Variants in GYG1 observed in about 807,000 individuals in gnomAD.
The protein encoded by GYG1 is glycogenin 1.
A neutral mutation model predicts 41.9 loss-of-function variants in GYG1; 44 were observed. That is an observed-to-expected ratio of 1.05 (90% CI 0.83 to 1.35). GYG1 has a LOEUF of 1.35. GYG1 is among the 40% of genes most tolerant of loss of function. GYG1 has a pLI of 0.00. For missense variants in GYG1, 429 were observed against 418.9 expected (o/e 1.02, Z -0.21); for synonymous variants, 141 against 158.1 (o/e 0.89, Z 0.81).
intron 2 of GYG1, among the ~76,000 whole-genome samples, chr3:148,995,145 G>A (rs576217160): frequency 6.1e-4 from 93 of 152,348 alleles, no homozygotes; most frequent in African/African-American, 2.2e-3. Flanking sequence ...GGGAGGCAGA[G>A]GTTGCAGTAA....
Position 148,992,077 on chromosome 3 carries a change from C to T in GYG1, c.7+430C>T, listed in dbSNP as rs530025620. On this transcript the variant is annotated intron_variant, in intron 1 of 7. Transcript: ENST00000345003. Reference sequence around the variant, plus strand: ...GGCCCGGAACCCCAGGAAGCAGGGGCTCCGAGGCGGGGATACTGCGGCCTC... The same window carrying T: ...GGCCCGGAACCCCAGGAAGCAGGGGTTCCGAGGCGGGGATACTGCGGCCTC... Among the ~76,000 whole-genome samples, 80 of 152,216 alleles carry T rather than the reference C, an allele frequency of 5.3e-4. No individual in the cohort carries two copies. The East Asian group carries it at 0.014, about 27-fold the overall frequency.
At chr3:149,000,837 T>C (rs1559836122) in intron 4 of GYG1, 1 of 152,226 alleles carries the variant, frequency 6.6e-6, no homozygotes, top group Non-Finnish European at 1.5e-5. Context: ...TAGGAGAGAA[T>C]AAATTAGTAG....
At chr3:148,999,859 C>A (rs1027218573) in intron 4 of GYG1, among the ~76,000 whole-genome samples, 16 of 152,160 alleles carry the variant, frequency 1.1e-4, no homozygotes, top group African/African-American at 3.9e-4. Context: ...TCCACCACCC[C>A]CATAGTCAGT....
chr3:149,010,831 A>G (rs780225782), intron 5 of GYG1, among the ~76,000 whole-genome samples: 7 of 152,212 alleles, frequency 4.6e-5, no homozygotes, highest in Non-Finnish European at 1.0e-4. Context: ...GAGTTGGGCC[A>G]ATCTCTGTCC....
intron 4 of GYG1, among the ~76,000 whole-genome samples, chr3:149,002,576 G>A (rs1713154734): frequency 6.6e-6 from 1 of 152,144 alleles, no homozygotes; most frequent in Non-Finnish European, 1.5e-5. Context: ...ATTTCCATAA[G>A]CCACCTTGGG....
intron 5 of GYG1, among the ~76,000 whole-genome samples, chr3:149,022,899 A>G (rs1714449376): frequency 6.6e-6 from 1 of 152,198 alleles, no homozygotes. Flanking sequence ...CATGATGTGT[A>G]TAGCTATAGT....
In GYG1 at chr3:149,013,416, A is replaced by G. The variant is rs115387366; in HGVS notation, c.608+4014A>G. Among the ~76,000 whole-genome samples, 656 of 152,282 alleles carry G rather than the reference A, an allele frequency of 4.3e-3. 3 individuals carry two copies. The highest frequency in any genetic ancestry group is 6.9e-3 in the Non-Finnish European group (470 of 68,018). On this transcript the variant is annotated intron_variant, in intron 5 of 7. Transcript: ENST00000345003. ...GCTCTCTAGGAATCTCATGCTATAT[A>G]AAACACACCTTAAAGCAGAGAGACA...
chr3:149,015,426 G>A (rs938235624), intron 5 of GYG1, among the ~76,000 whole-genome samples: 1 of 152,170 alleles, frequency 6.6e-6, no homozygotes, highest in East Asian at 1.9e-4. Flanking sequence ...GAAGATAATA[G>A]GGACAAGAGA....
chr3:149,001,787 G>A (rs1713107927), intron 4 of GYG1, among the ~76,000 whole-genome samples: 1 of 151,846 alleles, frequency 6.6e-6, no homozygotes, highest in Admixed American at 6.5e-5. Context: ...GTGGGTGGTG[G>A]TGGTGGGTGG....
At position 149,027,288 on chromosome 3, in the gene GYG1, G is replaced by A; in HGVS notation, c.*355G>A. ...AAATCAGTCACTCCCTTCAGAAGCA[G>A]ACATGGCATCTGTTCCTTGCTTGCT... On this transcript the variant is annotated 3_prime_UTR_variant, in exon 8 of 8. Transcript: ENST00000345003. 1 of 311,694 alleles carries A rather than the reference G, an allele frequency of 3.2e-6. No individual in the cohort carries two copies. The highest frequency in any genetic ancestry group is 3.9e-5 in the South Asian group (1 of 25,804). 19.3% of individuals were successfully genotyped at this position (311,694 alleles called of 1,614,324 possible). A position where few individuals can be genotyped will look rare whatever the true frequency, so the allele number is the denominator to read the frequency against.
chr3:148,996,501 A>G, intron 3 of GYG1, 25 bp downstream of exon 3: 2 of 1,587,430 alleles, frequency 1.3e-6, no homozygotes, highest in Non-Finnish European at 1.7e-6. Flanking sequence ...GAGGGTAGAA[A>G]AGAAAGACAT....
chr3:148,999,112 T>C (rs1175298574), intron 4 of GYG1, among the ~76,000 whole-genome samples: 3 of 152,220 alleles, frequency 2.0e-5, no homozygotes, highest in African/African-American at 7.2e-5. Flanking sequence ...TAGGTTATAA[T>C]TTGAGAATAT....
chr3:149,030,072 A>C lies in GYG1; in HGVS notation c.*3139A>C, dbSNP rs1714872894. The C allele has an allele frequency of 6.6e-6, 1 of 152,240 alleles. No homozygotes were observed. Among genetic ancestry groups the C allele is most frequent in the African/African-American group, 2.4e-5 (1 of 41,464 alleles). The allele number at this position is 152,240 out of a possible 1,614,324, so 9.4% of individuals were successfully genotyped here. A position where few individuals can be genotyped will look rare whatever the true frequency, so the allele number is the denominator to read the frequency against. Reference sequence around the variant, plus strand: ...CACTTGCATAGAAATGTCACAATTAATGAAGGATTTTATTTGAAGATAAAG... The same window carrying C: ...CACTTGCATAGAAATGTCACAATTACTGAAGGATTTTATTTGAAGATAAAG... On this transcript the variant is annotated 3_prime_UTR_variant, in exon 8 of 8. Transcript: ENST00000345003.
intron 4 of GYG1, among the ~76,000 whole-genome samples, chr3:148,997,868 G>A (rs1712897240): frequency 6.6e-6 from 1 of 152,240 alleles, no homozygotes; most frequent in South Asian, 2.1e-4. Context: ...TGGAGACACA[G>A]CGGGGACTTC....
At chr3:149,011,659 C>T (rs934820438) in intron 5 of GYG1, among the ~76,000 whole-genome samples, 1 of 152,178 alleles carries the variant, frequency 6.6e-6, no homozygotes, top group African/African-American at 2.4e-5. Context: ...AACCTTGGCC[C>T]TTTCTCTCAA....
At chr3:148,993,512 A>G (rs1282539819) in intron 1 of GYG1, among the ~76,000 whole-genome samples, 1 of 152,162 alleles carries the variant, frequency 6.6e-6, no homozygotes, top group Non-Finnish European at 1.5e-5. Flanking sequence ...TTTCAGGGAT[A>G]TTGGGGCAGG....
chr3:149,016,512 A>G (rs967195286), intron 5 of GYG1, among the ~76,000 whole-genome samples: 4 of 152,102 alleles, frequency 2.6e-5, no homozygotes, highest in Admixed American at 2.6e-4. Context: ...AGCCTAGAAG[A>G]TAATGTTGTT....
Position 149,026,502 on chromosome 3 carries a change from G to T in GYG1, c.879G>T (p.Lys293Asn). 6.3e-7 allele frequency: 1 copy of T among 1,589,008 alleles called. No homozygotes were observed. The highest frequency in any genetic ancestry group is 8.6e-7 in the Non-Finnish European group (1 of 1,157,240). The change falls in exon 7 of 8, where the codon AAG becomes AAT. Residue 293 changes from lysine to asparagine, a missense_variant and splice_region_variant. Coordinates refer to ENST00000345003, the MANE Select transcript of GYG1 (RefSeq NM_004130.4). ...TLAFSCGFCR[K>N]EDVSGAISHL... is the part of the protein sequence containing the mutation. ...CTTTCTCTTGTGGCTTCTGTAGAAAGGTATGCAGAACTTAAAGATTAACCC... is the reference window on the plus strand; with the variant it reads ...CTTTCTCTTGTGGCTTCTGTAGAAATGTATGCAGAACTTAAAGATTAACCC...
chr3:149,026,738 T>G, intron 7 of GYG1, 22 bp from the exon 8 acceptor site: 1 of 1,495,010 alleles, frequency 6.7e-7, no homozygotes, highest in South Asian at 1.1e-5. Flanking sequence ...TCTCATAGAG[T>G]CAATTATGCT....
Sources: allele counts gnomAD v4.1 joint callset (sites outside exome capture counted in the v4.1 genomes callset), GRCh38; gene constraint gnomAD v4.1.1; transcripts MANE v1.5; gene names NCBI Gene and HGNC (gene_info 2026-07-23, HGNC 2026-07-21).